SCAF4: variants seen among roughly 807,000 people sequenced by gnomAD.
SCAF4 encodes the protein SR-related and CTD-associated factor 4.
In SCAF4, 25 loss-of-function variants were observed where a neutral mutation model predicts 129.8. That is an observed-to-expected ratio of 0.19 (90% CI 0.14 to 0.27). The LOEUF (loss-of-function observed/expected upper bound fraction) is 0.27. SCAF4 is among the 10% of genes least tolerant of loss of function. The pLI is 1.00. For missense variants in SCAF4, 1,246 were observed against 1,457.1 expected (o/e 0.86, Z 2.36); for synonymous variants, 551 against 497.7 (o/e 1.11, Z -1.43).
chr21:31,721,350 A>G (rs1005319728), intron 1 of SCAF4, among the ~76,000 whole-genome samples: 5 of 152,222 alleles, frequency 3.3e-5, no homozygotes, highest in Middle Eastern at 3.2e-3. Context: ...AAACTAAGTC[A>G]TGTATGGCCA....
At chr21:31,706,992 TC>T in intron 1 of SCAF4, 1 of 303,440 alleles carries the variant, frequency 3.3e-6, no homozygotes, top group South Asian at 2.8e-5. Flanking sequence ...AAGGAGGGAA[TC>T]CCAGTTCATC....
chr21:31,723,368 G>A (rs1431869661), intron 1 of SCAF4, among the ~76,000 whole-genome samples: 1 of 151,880 alleles, frequency 6.6e-6, no homozygotes, highest in African/African-American at 2.4e-5. Flanking sequence ...CAGGAGAATT[G>A]CTTGAACCCA....
intron 1 of SCAF4, among the ~76,000 whole-genome samples, chr21:31,707,755 T>C (rs1380672632): frequency 6.6e-6 from 1 of 152,174 alleles, no homozygotes; most frequent in Non-Finnish European, 1.5e-5. Context: ...AATATGAGTG[T>C]TTTCTCAGAG....
chr21:31,688,025 A>G (rs559036653), intron 16 of SCAF4, among the ~76,000 whole-genome samples: 41 of 137,530 alleles, frequency 3.0e-4, no homozygotes, highest in Admixed American at 1.2e-3. Context: ...CTGAGGCAAG[A>G]GGGTCGGCTT....
intron 7 of SCAF4, among the ~76,000 whole-genome samples, chr21:31,697,266 G>A (rs2050410863): frequency 6.6e-6 from 1 of 152,076 alleles, no homozygotes; most frequent in African/African-American, 2.4e-5. Context: ...CAGTTCCTAA[G>A]AGGTTCGCTT....
intron 12 of SCAF4, 109 bp from the exon 13 acceptor site, chr21:31,692,558 C>T (rs2050284397): frequency 1.5e-6 from 1 of 657,160 alleles, no homozygotes. Flanking sequence ...TATTACAACA[C>T]CACAAGTTTA....
At chr21:31,714,178 A>G (rs1396035117) in intron 1 of SCAF4, among the ~76,000 whole-genome samples, 6 of 152,128 alleles carry the variant, frequency 3.9e-5, no homozygotes, top group Non-Finnish European at 8.8e-5. Context: ...GAGTTTTTGT[A>G]TATGGAATGA....
In SCAF4 at chr21:31,671,943, GGCT is replaced by G. The variant is rs578023456; in HGVS notation, c.2897_2899del (p.Gln966del). ...TGGTGGAGGCTGTTGTGATGGTGGT[GGCT>G]GCTGCTGCTGCTGCTGCTGTGGTTG... On this transcript the variant is annotated inframe_deletion, in exon 20 of 20. Coordinates refer to ENST00000286835, the MANE Select transcript of SCAF4 (RefSeq NM_020706.2). 10,010 of 1,545,212 alleles carry G rather than the reference GGCT, an allele frequency of 6.5e-3. 17 individuals are homozygous for G. Among genetic ancestry groups the G allele is most frequent in the Non-Finnish European group, 7.5e-3 (8,534 of 1,131,154 alleles).
chr21:31,673,588 C>G (rs1022616223), intron 19 of SCAF4, among the ~76,000 whole-genome samples: 1 of 150,016 alleles, frequency 6.7e-6, no homozygotes, highest in African/African-American at 2.5e-5. Flanking sequence ...TGAACAAGTA[C>G]AGGACACCAG....
intron 7 of SCAF4, among the ~76,000 whole-genome samples, chr21:31,699,759 G>A (rs2050477296): frequency 6.6e-6 from 1 of 152,124 alleles, no homozygotes; most frequent in Non-Finnish European, 1.5e-5. Flanking sequence ...TTTTTTTGCA[G>A]TGAAAACTGA....
chr21:31,685,789 A>AC (rs1568830555), intron 16 of SCAF4, 56 bp from the exon 17 acceptor site: 28 of 1,476,148 alleles, frequency 1.9e-5, no homozygotes, highest in Non-Finnish European at 2.5e-5. Context: ...CCATCCACAC[A>AC]GTAAGCACAG....
intron 16 of SCAF4, 26 bp downstream of exon 16, chr21:31,688,281 T>G: frequency 6.2e-7 from 1 of 1,601,256 alleles, no homozygotes; most frequent in Non-Finnish European, 8.5e-7. Context: ...GCACTTAAAG[T>G]TTAAGTCATG....
intron 19 of SCAF4, among the ~76,000 whole-genome samples, chr21:31,675,369 C>A (rs2049826524): frequency 6.6e-6 from 1 of 152,018 alleles, no homozygotes; most frequent in African/African-American, 2.4e-5. Context: ...AGGGGAAGGC[C>A]CCTCGAGAGT....
Position 31,671,388 on chromosome 21 carries a change from A to G in SCAF4, c.*11T>C, listed in dbSNP as rs2049686856. On this transcript the variant is annotated 3_prime_UTR_variant, in exon 20 of 20. Transcript: ENST00000286835. ...GAAGTGTCACTGTCACATTTTCACA[A>G]ATTCCAGTCTCTAACGAGGAGCCTC... 6.2e-7 allele frequency: 1 copy of G among 1,609,188 alleles called. No homozygotes were observed. Among genetic ancestry groups the G allele is most frequent in the Non-Finnish European group, 8.5e-7 (1 of 1,177,362 alleles).
At chr21:31,709,350 C>CA (rs376581889) in intron 1 of SCAF4, among the ~76,000 whole-genome samples, 16,152 of 117,602 alleles carry the variant, frequency 0.14, 974 homozygotes, top group Middle Eastern at 0.22. Flanking sequence ...CTGAAACTGT[C>CA]AAAAAAAAAA....
At chr21:31,676,953 T>C (rs1277458596) in intron 19 of SCAF4, among the ~76,000 whole-genome samples, 1 of 152,290 alleles carries the variant, frequency 6.6e-6, no homozygotes, top group Non-Finnish European at 1.5e-5. Context: ...TCATAAAATA[T>C]GTGGTCCTGT....
Position 31,694,879 on chromosome 21 carries a change from C to T in SCAF4, c.1170G>A (p.Val390=), listed in dbSNP as rs1197858430. 6.2e-7 allele frequency: 1 copy of T among 1,614,068 alleles called. No individual in the cohort carries two copies. The highest frequency in any genetic ancestry group is 8.5e-7 in the Non-Finnish European group (1 of 1,179,970). The change falls in exon 10 of 20, where the codon GTG becomes GTA. Residue 390 remains valine (V), a synonymous_variant. Coordinates refer to ENST00000286835, the MANE Select transcript of SCAF4 (RefSeq NM_020706.2). ...AQPVIPPTPP[V]QQPFQASFQA... is the part of the protein sequence containing the mutation. ...GAAAAGAAGCTTGGAAAGGCTGCTG[C>T]ACTGGTGGAGTTGGAGGAATCACAG...
At position 31,685,031 on chromosome 21, in the gene SCAF4, T is replaced by TA. The variant is rs771691650; in HGVS notation, c.2488+17dup. On this transcript the variant is annotated intron_variant, in intron 19 of 19. Coordinates refer to ENST00000286835, the MANE Select transcript of SCAF4 (RefSeq NM_020706.2). ...GGGGTGGGGCAAGGAAAACTAATGA[T>TA]AAAAAAAAATAACTTACCAAGAAGT... The TA allele has an allele frequency of 3.6e-4, 494 of 1,371,620 alleles. No homozygotes were observed. Among genetic ancestry groups the TA allele is most frequent in the East Asian group, 4.8e-4 (19 of 39,966 alleles). 85.0% of individuals were successfully genotyped at this position (1,371,620 alleles called of 1,614,324 possible). A position where few individuals can be genotyped will look rare whatever the true frequency, so the allele number is the denominator to read the frequency against.
chr21:31,694,412 G>A, intron 10 of SCAF4, 123 bp from the exon 11 acceptor site: 1 of 604,710 alleles, frequency 1.7e-6, no homozygotes, highest in South Asian at 2.6e-5. Flanking sequence ...TGGTTGCCTG[G>A]GACCAAATTA....
Sources: allele counts gnomAD v4.1 joint callset (sites outside exome capture counted in the v4.1 genomes callset), GRCh38; gene constraint gnomAD v4.1.1; transcripts MANE v1.5; gene names NCBI Gene and HGNC (gene_info 2026-07-23, HGNC 2026-07-21).